EPHA6: variants seen among roughly 807,000 people sequenced by gnomAD.
EPHA6 encodes the protein ephrin type-A receptor 6.
EPHA6 carries 50 observed loss-of-function variants against 112.0 expected under a neutral mutation model. The observed-to-expected ratio is 0.45, with a 90% confidence interval of 0.36 to 0.56. EPHA6 has a LOEUF of 0.56. Among genes scored for constraint, EPHA6 ranks in the 20% least tolerant of loss-of-function variants. The pLI, the probability that EPHA6 is intolerant of heterozygous loss-of-function variation, is 0.00. For synonymous variants in EPHA6, 529 were observed against 490.7 expected, an observed-to-expected ratio of 1.08 and a Z score of -1.03; for missense variants, 1,280 against 1,417.4, an observed-to-expected ratio of 0.90 and a Z score of 1.56.
At chr3:97,571,208 G>A (rs971567717) in intron 11 of EPHA6, among the ~76,000 whole-genome samples, 2 of 152,000 alleles carry the variant, frequency 1.3e-5, no homozygotes, top group African/African-American at 4.8e-5. Context: ...TGCCAGGATG[G>A]CCTGGAAACT....
intron 3 of EPHA6, among the ~76,000 whole-genome samples, chr3:97,127,245 G>C (rs940951851): frequency 1.3e-5 from 2 of 152,144 alleles, no homozygotes; most frequent in African/African-American, 4.8e-5. Context: ...TAAACTGGGA[G>C]GGAACTTTGC....
chr3:97,449,133 T>C (rs1302167012), intron 7 of EPHA6, among the ~76,000 whole-genome samples: 2 of 152,120 alleles, frequency 1.3e-5, no homozygotes, highest in Admixed American at 6.6e-5. Context: ...GGTCAGGAGA[T>C]GAACACCACT....
chr3:97,194,232 T>A (rs939927899), intron 3 of EPHA6, among the ~76,000 whole-genome samples: 6 of 151,946 alleles, frequency 3.9e-5, no homozygotes, highest in African/African-American at 1.4e-4. Context: ...TAGTAGTGAG[T>A]TCACCATATT....
intron 5 of EPHA6, among the ~76,000 whole-genome samples, chr3:97,294,822 G>A (rs1396581761): frequency 2.0e-5 from 3 of 151,954 alleles, no homozygotes; most frequent in Non-Finnish European, 4.4e-5. Flanking sequence ...TTGCTTCTCT[G>A]GTAAAAACTT....
chr3:97,721,557 A>G (rs1215104320), intron 15 of EPHA6, among the ~76,000 whole-genome samples: 1 of 152,194 alleles, frequency 6.6e-6, no homozygotes, highest in Admixed American at 6.5e-5. Context: ...GGCCAAACAC[A>G]CTGCTCAGTC....
intron 5 of EPHA6, among the ~76,000 whole-genome samples, chr3:97,379,911 A>G (rs2085626358): frequency 6.6e-6 from 1 of 152,178 alleles, no homozygotes; most frequent in Non-Finnish European, 1.5e-5. Flanking sequence ...AGAATTTTAA[A>G]AGTTGCCATA....
At chr3:96,971,202 A>G (rs932118269) in intron 2 of EPHA6, among the ~76,000 whole-genome samples, 1 of 152,076 alleles carries the variant, frequency 6.6e-6, no homozygotes, top group Non-Finnish European at 1.5e-5. Context: ...GGGATAATCT[A>G]TTCCTTCTTA....
chr3:96,872,719 A>G (rs567242181), intron 2 of EPHA6, among the ~76,000 whole-genome samples: 6 of 151,824 alleles, frequency 4.0e-5, no homozygotes, highest in East Asian at 2.0e-4. Context: ...TTGCTCCTCT[A>G]TTCTTAAGGT....
chr3:97,313,830 C>G (rs543903373), intron 5 of EPHA6, among the ~76,000 whole-genome samples: 1 of 151,704 alleles, frequency 6.6e-6, no homozygotes, highest in East Asian at 1.9e-4. Flanking sequence ...ACTGGATTGT[C>G]TCTTCACTCT....
At chr3:96,906,802 C>A (rs948256728) in intron 2 of EPHA6, among the ~76,000 whole-genome samples, 1 of 151,830 alleles carries the variant, frequency 6.6e-6, no homozygotes, top group African/African-American at 2.4e-5. Flanking sequence ...GAAGGCAGTA[C>A]AGAATTTGGT....
chr3:96,904,925 T>G (rs2038847134), intron 2 of EPHA6, among the ~76,000 whole-genome samples: 1 of 152,142 alleles, frequency 6.6e-6, no homozygotes, highest in Non-Finnish European at 1.5e-5. Context: ...GTAAAGGACC[T>G]TGAAGCTAGC....
intron 8 of EPHA6, among the ~76,000 whole-genome samples, chr3:97,477,436 GGA>G (rs1418704002): frequency 0.014 from 1,830 of 132,548 alleles, 35 homozygotes; most frequent in African/African-American, 0.05. Context: ...GAAAGAGAGA[GGA>G]AGGGAAGGGA....
At chr3:96,851,243 A>T (rs556940332) in intron 1 of EPHA6, among the ~76,000 whole-genome samples, 1 of 152,272 alleles carries the variant, frequency 6.6e-6, no homozygotes, top group Non-Finnish European at 1.5e-5. Flanking sequence ...ATTTTATATT[A>T]TTCAGAAAGT....
chr3:97,455,346 C>T (rs2090648065), intron 7 of EPHA6, among the ~76,000 whole-genome samples: 1 of 151,944 alleles, frequency 6.6e-6, no homozygotes, highest in Non-Finnish European at 1.5e-5. Context: ...GCCAATTTTA[C>T]AGATCAAGAA....
chr3:96,853,348 A>T (rs2035508581), intron 1 of EPHA6, among the ~76,000 whole-genome samples: 1 of 152,088 alleles, frequency 6.6e-6, no homozygotes, highest in South Asian at 2.1e-4. Flanking sequence ...GAAGTGTCTA[A>T]TCAGTGGGAT....
At chr3:97,378,988 A>T (rs1209323418) in intron 5 of EPHA6, among the ~76,000 whole-genome samples, 1 of 152,078 alleles carries the variant, frequency 6.6e-6, no homozygotes. Context: ...AGGACATGAG[A>T]TCTGGAGGGG....
chr3:97,386,322 A>G (rs2086066156), intron 5 of EPHA6, among the ~76,000 whole-genome samples: 1 of 152,206 alleles, frequency 6.6e-6, no homozygotes, highest in Non-Finnish European at 1.5e-5. Context: ...GAATGGACTA[A>G]TACAGAAAAT....
Position 97,378,975 on chromosome 3 carries a change from G to A in EPHA6, c.1607-26175G>A, listed in dbSNP as rs150940258. Among the ~76,000 whole-genome samples the A allele has an allele frequency of 7.0e-4, 107 of 152,286 alleles. 1 individual carries two copies. The East Asian group carries it at 8.3e-3, about 12-fold the overall frequency. On this transcript the variant is annotated intron_variant, in intron 5 of 17. Coordinates refer to ENST00000389672, the MANE Select transcript of EPHA6 (RefSeq NM_001080448.3). ...AGGAAGGCATGATTTGTTTTGAAAT[G>A]TGAGGACATGAGATCTGGAGGGGCC...
intron 13 of EPHA6, among the ~76,000 whole-genome samples, chr3:97,635,825 T>C (rs2093940070): frequency 6.6e-6 from 1 of 152,088 alleles, no homozygotes; most frequent in African/African-American, 2.4e-5. Flanking sequence ...AATAAAAGTA[T>C]TAAAAAACAA....
Sources: gnomAD v4.1 joint callset for allele counts (sites outside exome capture counted in the v4.1 genomes callset) on GRCh38, gnomAD v4.1.1 for gene constraint, MANE v1.5 for transcripts, NCBI Gene and HGNC (gene_info 2026-07-23, HGNC 2026-07-21) for gene names.